Variants in TRIQK observed in about 807,000 individuals in gnomAD.
TRIQK encodes the protein triple QxxK/R motif containing.
TRIQK carries 10 observed loss-of-function variants against 10.8 expected under a neutral mutation model. The ratio of observed to expected loss-of-function variants is 0.92; its 90% CI spans 0.57 to 1.57. TRIQK has a LOEUF of 1.57. Ranked by LOEUF, TRIQK falls within the 40% of genes most tolerant of loss-of-function variation. The pLI is 0.00. For missense variants in TRIQK, 107 were observed against 97.7 expected (o/e 1.09, Z -0.40); for synonymous variants, 33 against 33.7 (o/e 0.98, Z 0.07).
At chr8:93,012,375 G>A (rs1181007236) in intron 1 of TRIQK, among the ~76,000 whole-genome samples, 1 of 152,114 alleles carries the variant, frequency 6.6e-6, no homozygotes, top group African/African-American at 2.4e-5. Context: ...CTGTCCATAT[G>A]CCAAAATCTC....
intron 2 of TRIQK, among the ~76,000 whole-genome samples, chr8:92,953,008 C>T (rs929858106): frequency 6.6e-6 from 1 of 151,986 alleles, no homozygotes; most frequent in Non-Finnish European, 1.5e-5. Context: ...TTTGGGCTTG[C>T]TTGTTTCTAC....
intron 3 of TRIQK, among the ~76,000 whole-genome samples, chr8:92,902,154 A>G (rs1158864590): frequency 6.6e-6 from 1 of 152,086 alleles, no homozygotes; most frequent in Non-Finnish European, 1.5e-5. Flanking sequence ...AGGACTTGCC[A>G]AGGAATTGCA....
Position 92,893,669 on chromosome 8 carries a change from T to C in TRIQK, c.62-1595A>G, listed in dbSNP as rs528434696. On this transcript the variant is annotated intron_variant, in intron 3 of 4. Transcript: ENST00000521988. ...GTCAAACTATTCATGTCATTATTCC[T>C]GCTGAGCTATAAACAGTTCAGAACA... Among the ~76,000 whole-genome samples, 14 of 152,180 alleles carry C rather than the reference T, an allele frequency of 9.2e-5. No homozygotes were observed. In the South Asian group the frequency reaches 2.9e-3, roughly 32 times the overall value.
intron 3 of TRIQK, among the ~76,000 whole-genome samples, chr8:92,912,164 C>T (rs750617078): frequency 1.1e-4 from 16 of 151,516 alleles, no homozygotes; most frequent in Non-Finnish European, 2.4e-4. Context: ...CAGGATAAAT[C>T]ACATGCTAGG....
chr8:92,950,023 C>T (rs954736939), intron 2 of TRIQK, among the ~76,000 whole-genome samples: 3 of 152,196 alleles, frequency 2.0e-5, no homozygotes, highest in South Asian at 2.1e-4. Flanking sequence ...ATTACATATA[C>T]GATGTACAAT....
At chr8:92,887,178 T>A (rs1310938321) in intron 4 of TRIQK, among the ~76,000 whole-genome samples, 1 of 151,410 alleles carries the variant, frequency 6.6e-6, no homozygotes, top group East Asian at 1.9e-4. Context: ...TTTTTAATTA[T>A]CATTCCTTTT....
At chr8:93,005,267 G>A (rs574489130) in intron 1 of TRIQK, among the ~76,000 whole-genome samples, 1 of 152,322 alleles carries the variant, frequency 6.6e-6, no homozygotes, top group African/African-American at 2.4e-5. Context: ...ACATTTTCTT[G>A]TGGGTGGCAG....
At chr8:92,938,966 A>G (rs961097809) in intron 2 of TRIQK, among the ~76,000 whole-genome samples, 1 of 152,010 alleles carries the variant, frequency 6.6e-6, no homozygotes, top group African/African-American at 2.4e-5. Context: ...TCATTTATAG[A>G]TCTATTTCTA....
intron 1 of TRIQK, among the ~76,000 whole-genome samples, chr8:93,013,706 C>G (rs973407452): frequency 3.3e-5 from 5 of 152,074 alleles, no homozygotes; most frequent in Non-Finnish European, 5.9e-5. Flanking sequence ...TTTTACATAT[C>G]CTTTGGTAAC....
rs1563655556 is a variant in TRIQK at position 92,949,843 on chromosome 8, G to GA, written c.-22+4562_-22+4563insT. Among the ~76,000 whole-genome samples, 6 of 79,072 alleles carry GA rather than the reference G, an allele frequency of 7.6e-5. No individual in the cohort carries two copies. In the East Asian group the frequency reaches 1.9e-3, roughly 25 times the overall value. 51.9% of individuals were successfully genotyped at this position (79,072 alleles called of 152,430 possible). On this transcript the variant is annotated intron_variant, in intron 2 of 4. Transcript: ENST00000521988. ...GAAAGAAAGAAAGAAAGAAAGAAAGGGAGAGAAAAGAAAAGAGAAAGGAAG... is the reference window on the plus strand; with the variant it reads ...GAAAGAAAGAAAGAAAGAAAGAAAGGAGAGAGAAAAGAAAAGAGAAAGGAAG...
intron 1 of TRIQK, among the ~76,000 whole-genome samples, chr8:93,016,475 A>T (rs569422333): frequency 1.9e-4 from 29 of 152,360 alleles, no homozygotes; most frequent in Non-Finnish European, 3.7e-4. Context: ...TCAACAATGG[A>T]GCAAAGTTTA....
chr8:92,996,830 C>T (rs996525570), intron 1 of TRIQK, among the ~76,000 whole-genome samples: 10 of 151,562 alleles, frequency 6.6e-5, no homozygotes, highest in Middle Eastern at 3.4e-3. Flanking sequence ...TTAAGACTAT[C>T]GCAGATATTG....
At chr8:92,896,049 G>A (rs1198510397) in intron 3 of TRIQK, among the ~76,000 whole-genome samples, 3 of 152,128 alleles carry the variant, frequency 2.0e-5, no homozygotes, top group African/African-American at 7.2e-5. Context: ...AGACCTCAAA[G>A]ACATTTCAGA....
intron 1 of TRIQK, chr8:92,974,883 A>G (rs1812915708): frequency 6.6e-6 from 1 of 152,230 alleles, no homozygotes; most frequent in African/African-American, 2.4e-5. Context: ...CTTGCCTGGG[A>G]CCAAGAATTG....
chr8:92,957,252 G>T (rs895928667), intron 1 of TRIQK, among the ~76,000 whole-genome samples: 1 of 151,538 alleles, frequency 6.6e-6, no homozygotes, highest in Admixed American at 6.6e-5. Flanking sequence ...ATACATATAT[G>T]TAAGTATGTA....
chr8:92,925,866 T>C (rs1320747059), intron 2 of TRIQK, among the ~76,000 whole-genome samples: 11 of 152,190 alleles, frequency 7.2e-5, no homozygotes, highest in Admixed American at 7.2e-4. Context: ...GAGAGATAAA[T>C]GTATATGGTT....
intron 4 of TRIQK, among the ~76,000 whole-genome samples, chr8:92,889,446 C>T (rs1373772720): frequency 6.6e-6 from 1 of 151,466 alleles, no homozygotes; most frequent in African/African-American, 2.4e-5. Context: ...AATCGTTATA[C>T]AGGGATATCA....
intron 2 of TRIQK, among the ~76,000 whole-genome samples, chr8:92,931,731 T>C (rs541918288): frequency 5.8e-4 from 88 of 152,044 alleles, no homozygotes; most frequent in Non-Finnish European, 1.0e-3. Flanking sequence ...CAGAACACTT[T>C]TGAGAGTCAA....
intron 1 of TRIQK, among the ~76,000 whole-genome samples, chr8:92,997,762 G>A (rs1019089075): frequency 6.6e-6 from 1 of 151,978 alleles, no homozygotes; most frequent in African/African-American, 2.4e-5. Context: ...TAATGAAAAG[G>A]AACAAATGAA....
Sources: allele counts gnomAD v4.1 joint callset (sites outside exome capture counted in the v4.1 genomes callset), GRCh38; gene constraint gnomAD v4.1.1; transcripts MANE v1.5; gene names NCBI Gene and HGNC (gene_info 2026-07-23, HGNC 2026-07-21).